The following HMCN1 variants were observed in gnomAD, a reference collection of about 807,000 sequenced individuals.
HMCN1 encodes the protein hemicentin 1.
Under a neutral mutation model 625.9 loss-of-function variants are expected in HMCN1, and 321 were observed. That is an observed-to-expected ratio of 0.51 (90% CI 0.47 to 0.56). The LOEUF (loss-of-function observed/expected upper bound fraction) is 0.56. Ranked by LOEUF, HMCN1 falls within the 20% of genes least tolerant of loss-of-function variation. HMCN1 has a pLI of 0.00. For synonymous variants in HMCN1, 2,425 were observed against 2,417.6 expected, an observed-to-expected ratio of 1.00 and a Z score of -0.09; for missense variants, 6,588 against 6,887.3, an observed-to-expected ratio of 0.96 and a Z score of 1.54.
rs201563661 is a variant in HMCN1, at chr1:186,152,780, G to A, written c.14927G>A (p.Arg4976Gln). 4.4e-4 allele frequency: 707 copies of A among 1,613,878 alleles called. 2 individuals are homozygous for A. The highest frequency in any genetic ancestry group is 5.4e-4 in the Non-Finnish European group (637 of 1,179,818). ...GEILQMSHIA[R>Q]GLDSDGSLLL... Reference sequence around the variant, plus strand: ...ATCTTGCAGATGAGTCATATTGCCCGGGGCTTGGATTCCGATGGTTCTTTG... The same window carrying A: ...ATCTTGCAGATGAGTCATATTGCCCAGGGCTTGGATTCCGATGGTTCTTTG... Residue 4976 changes from arginine to glutamine, a missense_variant, in exon 96 of 107, where the codon CGG becomes CAG. Arg to Gln is a conservative substitution (Grantham distance 43, BLOSUM62 1). This residue lies in a region of HMCN1 where 1,954 missense variants were observed against 2,013.1 expected (regional missense o/e 0.97). Coordinates refer to ENST00000271588, the MANE Select transcript of HMCN1 (RefSeq NM_031935.3).
intron 89 of HMCN1, among the ~76,000 whole-genome samples, chr1:186,140,250 G>T (rs1324750995): frequency 6.6e-6 from 1 of 151,972 alleles, no homozygotes; most frequent in African/African-American, 2.4e-5. Context: ...TCCAAGATCC[G>T]ATCCACGATC....
chr1:185,735,373 C>A (rs1653487373), intron 1 of HMCN1, among the ~76,000 whole-genome samples: 1 of 152,164 alleles, frequency 6.6e-6, no homozygotes, highest in Non-Finnish European at 1.5e-5. Context: ...AGAACTAAAG[C>A]ATGTTTAATT....
intron 2 of HMCN1, among the ~76,000 whole-genome samples, chr1:185,846,432 G>T (rs1475194858): frequency 6.6e-6 from 1 of 152,134 alleles, no homozygotes; most frequent in African/African-American, 2.4e-5. Flanking sequence ...GAAATATAAG[G>T]AACGGTTAAT....
rs1170339339 is a variant in HMCN1 at position 185,865,807 on chromosome 1, A to T, written c.565A>T (p.Ile189Phe). ...THIGYKVYEEIASTSSGQVFH... is the reference protein window; with the variant it reads ...THIGYKVYEEFASTSSGQVFH... ...TATTGGATATAAAGTCTATGAAGAA[A>T]TTGCCTCTACAAGTTCTGGTCAAGT... Residue 189 changes from isoleucine to phenylalanine, a missense_variant, in exon 4 of 107, where the codon ATT becomes TTT. Transcript: ENST00000271588. 3 of 1,612,852 alleles carry T rather than the reference A, an allele frequency of 1.9e-6. No individual in the cohort carries two copies.
intron 4 of HMCN1, among the ~76,000 whole-genome samples, chr1:185,898,804 G>A (rs577866098): frequency 6.6e-6 from 1 of 151,822 alleles, no homozygotes; most frequent in Non-Finnish European, 1.5e-5. Flanking sequence ...CAACAGTTAA[G>A]TCTAAAAATG....
In HMCN1 at chr1:186,039,209, T is replaced by C. The variant is rs541677202; in HGVS notation, c.6028+204T>C. Among the ~76,000 whole-genome samples, 3 of 152,314 alleles carry C rather than the reference T, an allele frequency of 2.0e-5. No individual in the cohort carries two copies. In the East Asian group the frequency reaches 5.8e-4, roughly 29 times the overall value. On this transcript the variant is annotated intron_variant, in intron 38 of 106. Coordinates refer to ENST00000271588, the MANE Select transcript of HMCN1 (RefSeq NM_031935.3). ...ATTTCCACATGCTGTTGACTTAAGT[T>C]TGCTTTCAATTAGTTGTTGAAATAG...
chr1:186,090,352 G>T (rs771835242), intron 63 of HMCN1, among the ~76,000 whole-genome samples: 1 of 151,906 alleles, frequency 6.6e-6, no homozygotes, highest in South Asian at 2.1e-4. Flanking sequence ...TTTATGCCAA[G>T]TTTTTATAAG....
chr1:185,817,992 C>A (rs1192296049), intron 1 of HMCN1, among the ~76,000 whole-genome samples: 1 of 152,150 alleles, frequency 6.6e-6, no homozygotes, highest in Non-Finnish European at 1.5e-5. Flanking sequence ...CACCAACTGT[C>A]CATCTCCTGC....
intron 57 of HMCN1, among the ~76,000 whole-genome samples, chr1:186,083,833 T>A (rs559424496): frequency 6.6e-6 from 1 of 152,246 alleles, no homozygotes; most frequent in East Asian, 1.9e-4. Context: ...TAATTCCCGT[T>A]CTTAGCACAG....
chr1:185,987,936 G>C (rs913677686), intron 20 of HMCN1, among the ~76,000 whole-genome samples: 1 of 152,058 alleles, frequency 6.6e-6, no homozygotes, highest in Non-Finnish European at 1.5e-5. Flanking sequence ...GTAGACCTGC[G>C]CTGAAATTAA....
At chr1:185,901,818 C>G (rs1030776329) in intron 4 of HMCN1, among the ~76,000 whole-genome samples, 21 of 151,776 alleles carry the variant, frequency 1.4e-4, no homozygotes, top group Non-Finnish European at 3.0e-4. Context: ...AACCTAAAAA[C>G]CAGATCGTAG....
intron 4 of HMCN1, among the ~76,000 whole-genome samples, chr1:185,869,613 A>C (rs1663482429): frequency 6.6e-6 from 1 of 152,132 alleles, no homozygotes; most frequent in Non-Finnish European, 1.5e-5. Flanking sequence ...CTCCTACTGG[A>C]ACTGTACAAG....
At chr1:186,082,982 C>G (rs776842079) in intron 57 of HMCN1, 21 bp downstream of exon 57, 1 of 1,438,648 alleles carries the variant, frequency 7.0e-7, no homozygotes, top group South Asian at 1.2e-5. Context: ...AGTTCCAAAA[C>G]CATCTGTTAG....
chr1:186,001,809 T>C lies in HMCN1; in HGVS notation c.4348+68T>C, dbSNP rs550975558. Reference sequence around the variant, plus strand: ...TTCTTACCTAAAATAGAGCTGACTATATGAAAAAGTAAAGAGAAAAAGATA... The same window carrying C: ...TTCTTACCTAAAATAGAGCTGACTACATGAAAAAGTAAAGAGAAAAAGATA... On this transcript the variant is annotated intron_variant, in intron 28 of 106. Transcript: ENST00000271588. The C allele has an allele frequency of 8.5e-5, 106 of 1,239,980 alleles. 1 individual carries two copies. The South Asian group carries it at 1.3e-3, about 15-fold the overall frequency. 76.8% of individuals were successfully genotyped at this position (1,239,980 alleles called of 1,614,324 possible). A position where few individuals can be genotyped will look rare whatever the true frequency, so the allele number is the denominator to read the frequency against.
chr1:186,167,222 G>T (rs775041558), intron 100 of HMCN1, among the ~76,000 whole-genome samples: 5 of 152,124 alleles, frequency 3.3e-5, no homozygotes, highest in Non-Finnish European at 7.4e-5. Flanking sequence ...GTGACCATTT[G>T]CCTGTTACCA....
intron 44 of HMCN1, 97 bp downstream of exon 44, chr1:186,054,083 A>G (rs1657147276): frequency 2.5e-6 from 3 of 1,209,552 alleles, no homozygotes; most frequent in Non-Finnish European, 3.6e-6. Flanking sequence ...TTCATTCAAA[A>G]TGGTATGGTT....
rs375958638 is a variant in HMCN1, at chr1:185,923,396, C to G, written c.1028C>G (p.Pro343Arg). 3 of 1,607,740 alleles carry G rather than the reference C, an allele frequency of 1.9e-6. No individual in the cohort carries two copies. The highest frequency in any genetic ancestry group is 2.7e-5 in the African/African-American group (2 of 74,786). ...KTVSRPVQGIPTYVLLNTSGI... is the reference protein window; with the variant it reads ...KTVSRPVQGIRTYVLLNTSGI... ...CAAAATCTTTCTCTTGTAGGAATAC[C>G]TACCTATGTACTGCTCAATACTTCT... Residue 343 changes from proline (P) to arginine (R), a missense_variant, in exon 8 of 107, where the codon CCT becomes CGT. Physicochemically the swap from Pro to Arg is moderately radical, Grantham distance 103. Coordinates refer to ENST00000271588, the MANE Select transcript of HMCN1 (RefSeq NM_031935.3).
chr1:185,787,837 T>G (rs1657731652), intron 1 of HMCN1, among the ~76,000 whole-genome samples: 1 of 152,190 alleles, frequency 6.6e-6, no homozygotes, highest in African/African-American at 2.4e-5. Flanking sequence ...TTTACCATAT[T>G]ACAGATACTA....
At chr1:185,929,090 C>T (rs969021391) in intron 10 of HMCN1, among the ~76,000 whole-genome samples, 7 of 151,776 alleles carry the variant, frequency 4.6e-5, no homozygotes, top group Non-Finnish European at 7.4e-5. Context: ...AGCATTTTCC[C>T]GTGAGAAAAT....
Sources: allele counts gnomAD v4.1 joint callset (sites outside exome capture counted in the v4.1 genomes callset), GRCh38; gene constraint gnomAD v4.1.1; regional missense constraint gnomAD v4.1.1; transcripts MANE v1.5; gene names NCBI Gene and HGNC (gene_info 2026-07-23, HGNC 2026-07-21).